The following C2CD5 variants were observed in gnomAD, a reference collection of about 807,000 sequenced individuals.
C2CD5 encodes the protein C2 calcium dependent domain containing 5, also known as C2 domain-containing protein 5.
C2CD5 carries 109 observed loss-of-function variants against 130.3 expected under a neutral mutation model. That is an observed-to-expected ratio of 0.84 (90% CI 0.72 to 0.98). The LOEUF (loss-of-function observed/expected upper bound fraction) is 0.98. Ranked by LOEUF, C2CD5 falls within the 50% of genes least tolerant of loss-of-function variation. The pLI is 0.00. For missense variants in C2CD5, 996 were observed against 1,261.8 expected (o/e 0.79, Z 3.19); for synonymous variants, 454 against 429.2 (o/e 1.06, Z -0.71).
intron 8 of C2CD5, among the ~76,000 whole-genome samples, chr12:22,516,642 A>G (rs953864565): frequency 6.6e-6 from 1 of 150,952 alleles, no homozygotes; most frequent in African/African-American, 2.4e-5. Flanking sequence ...GGCAAAAAAA[A>G]TAAAATAATA....
At chr12:22,452,953 T>C (rs1939020316) in intron 26 of C2CD5, among the ~76,000 whole-genome samples, 1 of 152,180 alleles carries the variant, frequency 6.6e-6, no homozygotes, top group Admixed American at 6.6e-5. Context: ...TCAAACTGCT[T>C]ATATATTTAT....
intron 25 of C2CD5, among the ~76,000 whole-genome samples, chr12:22,456,650 T>A (rs1361967114): frequency 6.6e-6 from 1 of 152,200 alleles, no homozygotes; most frequent in African/African-American, 2.4e-5. Context: ...AAATGTGATC[T>A]GTCAAAAATT....
intron 8 of C2CD5, among the ~76,000 whole-genome samples, chr12:22,516,643 T>A (rs541560200): frequency 1.2e-4 from 18 of 150,038 alleles, no homozygotes; most frequent in African/African-American, 4.1e-4. Flanking sequence ...GCAAAAAAAA[T>A]AAAATAATAA....
At chr12:22,483,876 G>A (rs1420116357) in intron 13 of C2CD5, among the ~76,000 whole-genome samples, 1 of 152,122 alleles carries the variant, frequency 6.6e-6, no homozygotes, top group African/African-American at 2.4e-5. Context: ...GAACGCGTAT[G>A]AGATGCCTAT....
chr12:22,540,823 C>T (rs935202509), intron 2 of C2CD5, among the ~76,000 whole-genome samples: 1 of 152,198 alleles, frequency 6.6e-6, no homozygotes, highest in African/African-American at 2.4e-5. Flanking sequence ...CGTGCCACTA[C>T]ACTCCAGCCT....
intron 13 of C2CD5, 87 bp from the exon 14 acceptor site, chr12:22,482,830 A>C: frequency 2.2e-6 from 2 of 904,966 alleles, no homozygotes; most frequent in Non-Finnish European, 3.5e-6. Context: ...AAGTGTGCTG[A>C]ATAAAACATT....
At chr12:22,478,872 A>C (rs1442954018) in intron 14 of C2CD5, among the ~76,000 whole-genome samples, 1 of 151,906 alleles carries the variant, frequency 6.6e-6, no homozygotes, top group Non-Finnish European at 1.5e-5. Flanking sequence ...GGGAAAAAAA[A>C]ACAAGAATGT....
At chr12:22,459,326 T>C (rs929841522) in intron 23 of C2CD5, among the ~76,000 whole-genome samples, 166 bp downstream of exon 23, 2 of 152,010 alleles carry the variant, frequency 1.3e-5, no homozygotes, top group Admixed American at 6.6e-5. Context: ...ATTAGTTTAA[T>C]TGATGCTTTT....
intron 9 of C2CD5, among the ~76,000 whole-genome samples, chr12:22,508,710 C>T (rs535625683): frequency 4.0e-4 from 61 of 151,908 alleles, no homozygotes; most frequent in African/African-American, 1.4e-3. Flanking sequence ...AAATGAGAAA[C>T]GTATAGGTAA....
At chr12:22,536,013 G>A (rs1330193838) in intron 2 of C2CD5, among the ~76,000 whole-genome samples, 2 of 152,038 alleles carry the variant, frequency 1.3e-5, no homozygotes, top group Non-Finnish European at 2.9e-5. Context: ...CTGTCAATAT[G>A]GAACTAATTA....
In C2CD5 at chr12:22,517,864, T is replaced by G. The variant is rs1409944520; in HGVS notation, c.952+122A>C. On this transcript the variant is annotated intron_variant, in intron 8 of 26. Transcript: ENST00000446597. Reference sequence around the variant, plus strand: ...TTGCAGTAACTGAAAATGGTCAGTATTCACATTTTCTTTTTAACTTAAGTG... The same window carrying G: ...TTGCAGTAACTGAAAATGGTCAGTAGTCACATTTTCTTTTTAACTTAAGTG... The G allele has an allele frequency of 1.5e-5, 11 of 717,732 alleles. No individual in the cohort carries two copies. The South Asian group carries it at 1.8e-4, about 12-fold the overall frequency. The allele number at this position is 717,732 out of a possible 1,614,324, so 44.5% of individuals were successfully genotyped here. A position where few individuals can be genotyped will look rare whatever the true frequency, so the allele number is the denominator to read the frequency against.
chr12:22,487,216 C>A (rs1173268915), intron 12 of C2CD5, among the ~76,000 whole-genome samples: 18 of 152,016 alleles, frequency 1.2e-4, no homozygotes, highest in Non-Finnish European at 1.6e-4. Flanking sequence ...GGATCTAATT[C>A]AACTAAAGAG....
At chr12:22,483,445 G>T (rs1487213636) in intron 13 of C2CD5, among the ~76,000 whole-genome samples, 1 of 152,068 alleles carries the variant, frequency 6.6e-6, no homozygotes, top group Non-Finnish European at 1.5e-5. Flanking sequence ...CTCAACAGTA[G>T]CAATGAAAGC....
intron 13 of C2CD5, 41 bp downstream of exon 13, chr12:22,484,656 T>C (rs775698770): frequency 5.8e-6 from 7 of 1,207,824 alleles, no homozygotes; most frequent in Non-Finnish European, 4.6e-6. Context: ...CCCTATCTCA[T>C]ACTTTTTCAG....
rs1346269235 is a variant in C2CD5, at chr12:22,490,080, C to T, written c.1358+43G>A. On this transcript the variant is annotated intron_variant, in intron 12 of 26. Coordinates refer to ENST00000446597, the MANE Select transcript of C2CD5 (RefSeq NM_001286176.2). ...TCTCAGAAAAAAAGTCGACCTCTCC[C>T]TTCTCTGCCCTTATAGAAAATAAGC... is the stretch of plus-strand genomic sequence containing the variant. The T allele has an allele frequency of 2.7e-6, 4 of 1,460,664 alleles. No individual in the cohort carries two copies. The South Asian group carries it at 4.6e-5, about 17-fold the overall frequency. The allele number at this position is 1,460,664 out of a possible 1,614,324, so 90.5% of individuals were successfully genotyped here. A position where few individuals can be genotyped will look rare whatever the true frequency, so the allele number is the denominator to read the frequency against.
At chr12:22,463,075 C>A (rs946342054) in intron 22 of C2CD5, among the ~76,000 whole-genome samples, 1 of 150,022 alleles carries the variant, frequency 6.7e-6, no homozygotes, top group Non-Finnish European at 1.5e-5. Flanking sequence ...CAGAGTAAGA[C>A]CCTGTCTCAA....
At chr12:22,542,644 A>C (rs1266864035) in intron 2 of C2CD5, among the ~76,000 whole-genome samples, 1 of 152,272 alleles carries the variant, frequency 6.6e-6, no homozygotes, top group Non-Finnish European at 1.5e-5. Context: ...CAGAGACAGA[A>C]TTCTTTCCAT....
intron 24 of C2CD5, among the ~76,000 whole-genome samples, chr12:22,457,958 C>T (rs1940293106): frequency 6.6e-6 from 1 of 152,068 alleles, no homozygotes; most frequent in African/African-American, 2.4e-5. Flanking sequence ...GTTTTTTCCC[C>T]CTTTTAATGT....
Position 22,465,103 on chromosome 12 carries a change from T to TG in C2CD5, c.2533+4605dup, listed in dbSNP as rs527945387. ...CCTAATTTTGAAGTACAATGTATTG[T>TG]GGGTATAAGCCAACTTGTTTTTATA... is the stretch of plus-strand genomic sequence containing the variant. On this transcript the variant is annotated intron_variant, in intron 22 of 26. Transcript: ENST00000446597. Among the ~76,000 whole-genome samples, 18 of 152,284 alleles carry TG rather than the reference T, an allele frequency of 1.2e-4. No individual in the cohort carries two copies. The South Asian group carries it at 1.9e-3, about 16-fold the overall frequency.
Sources: gnomAD v4.1 joint callset for allele counts (sites outside exome capture counted in the v4.1 genomes callset) on GRCh38, gnomAD v4.1.1 for gene constraint, MANE v1.5 for transcripts, NCBI Gene and HGNC (gene_info 2026-07-23, HGNC 2026-07-21) for gene names.